The following RUVBL1 variants were observed in gnomAD, a reference collection of about 807,000 sequenced individuals.
The protein encoded by RUVBL1 is ruvB-like 1.
Under a neutral mutation model 52.4 loss-of-function variants are expected in RUVBL1, and 4 were observed. That is an observed-to-expected ratio of 0.08 (90% confidence interval 0.04 to 0.17). The LOEUF (loss-of-function observed/expected upper bound fraction) is 0.17. RUVBL1 is among the 10% of genes least tolerant of loss of function. The pLI is 1.00. For synonymous variants in RUVBL1, 217 were observed against 214.4 expected, an observed-to-expected ratio of 1.01 and a Z score of -0.10; for missense variants, 298 against 572.8, an observed-to-expected ratio of 0.52 and a Z score of 4.90.
At chr3:128,125,895 A>G (rs1241040446), upstream of RUVBL1, among the ~76,000 whole-genome samples, 2 of 152,218 alleles carry the variant, frequency 1.3e-5, no homozygotes, top group Non-Finnish European at 2.9e-5. Context: ...GAGGCATTCT[A>G]TGGGACTGAC....
In RUVBL1 at chr3:128,081,144, C is replaced by T. The variant is rs764840101; in HGVS notation, c.*106G>A. 107 of 1,164,904 alleles carry T rather than the reference C, an allele frequency of 9.2e-5. 1 individual carries two copies. Among genetic ancestry groups the T allele is most frequent in the Non-Finnish European group, 1.2e-4 (97 of 811,810 alleles). 72.2% of individuals were successfully genotyped at this position (1,164,904 alleles called of 1,614,324 possible). A position where few individuals can be genotyped will look rare whatever the true frequency, so the allele number is the denominator to read the frequency against. Reference sequence around the variant, plus strand: ...ACTGAACTGACAGCGCTGCAGACCACGCCTGAGTGGGGACGGCAGCCCCAA... The same window carrying T: ...ACTGAACTGACAGCGCTGCAGACCATGCCTGAGTGGGGACGGCAGCCCCAA... On this transcript the variant is annotated 3_prime_UTR_variant, in exon 11 of 11. Coordinates refer to ENST00000322623, the MANE Select transcript of RUVBL1 (RefSeq NM_003707.3). This position sits in a 1 kb window ranked among gnomAD's most constrained non-coding sequence, Gnocchi z 4.8.
chr3:128,153,175 T>C (rs906471370), intron 1 of RUVBL1: 2 of 1,225,694 alleles, frequency 1.6e-6, no homozygotes, highest in Non-Finnish European at 2.0e-6. Context: ...TTGATAGCTA[T>C]AGAAAAGTTC....
intron 1 of RUVBL1, among the ~76,000 whole-genome samples, chr3:128,122,161 C>A (rs1166859886): frequency 6.6e-6 from 1 of 152,188 alleles, no homozygotes; most frequent in East Asian, 1.9e-4. Context: ...GATGAGTAAC[C>A]TTGGACCTAC....
At chr3:128,107,611 G>T (rs114982203) in intron 3 of RUVBL1, among the ~76,000 whole-genome samples, 2,164 of 152,274 alleles carry the variant, frequency 0.014, 50 homozygotes, top group African/African-American at 0.048. Flanking sequence ...TAAAGTTAAG[G>T]AAAAGTTTTA....
intron 1 of RUVBL1, among the ~76,000 whole-genome samples, chr3:128,147,070 C>A (rs936179244): frequency 6.6e-6 from 1 of 152,152 alleles, no homozygotes; most frequent in Non-Finnish European, 1.5e-5. Flanking sequence ...ATTGGAAAGG[C>A]CAACATTATA....
At chr3:128,103,740 G>A (rs958117349) in intron 4 of RUVBL1, among the ~76,000 whole-genome samples, 1 of 152,148 alleles carries the variant, frequency 6.6e-6, no homozygotes, top group African/African-American at 2.4e-5. Context: ...ACCTCTTTAT[G>A]AGCCTTCATC....
chr3:128,126,362 A>T (rs145219830), upstream of RUVBL1, among the ~76,000 whole-genome samples: 1,015 of 152,232 alleles, frequency 6.7e-3, 8 homozygotes, highest in African/African-American at 0.023. Context: ...CCCGGCCAAT[A>T]TGGCAAAACC....
At chr3:128,102,897 A>G (rs1340089163) in intron 4 of RUVBL1, among the ~76,000 whole-genome samples, 1 of 152,218 alleles carries the variant, frequency 6.6e-6, no homozygotes, top group Non-Finnish European at 1.5e-5. Flanking sequence ...GCCTCTCCTT[A>G]GCTGGGTGGG....
intron 1 of RUVBL1, among the ~76,000 whole-genome samples, chr3:128,139,873 A>G (rs558047835): frequency 3.9e-5 from 6 of 152,168 alleles, no homozygotes; most frequent in Non-Finnish European, 7.4e-5. Flanking sequence ...TAATGGTTAC[A>G]AGAGGCTGGG....
intron 9 of RUVBL1, chr3:128,071,816 C>T (rs1942176520): frequency 6.6e-6 from 1 of 152,432 alleles, no homozygotes; most frequent in Non-Finnish European, 1.5e-5. Context: ...GGAAAAGTTC[C>T]CTTCTGATGG....
intron 1 of RUVBL1, among the ~76,000 whole-genome samples, chr3:128,136,182 C>A (rs1943944637): frequency 1.4e-5 from 2 of 142,686 alleles, no homozygotes; most frequent in East Asian, 2.0e-4. Flanking sequence ...AAAAGGAAAA[C>A]AGGAAGGAAG....
intron 3 of RUVBL1, among the ~76,000 whole-genome samples, chr3:128,105,887 T>G (rs1453344064): frequency 9.1e-6 from 1 of 110,378 alleles, no homozygotes; most frequent in East Asian, 3.1e-4. Context: ...TTTTTTTTTT[T>G]GAGATAGAAT....
intron 3 of RUVBL1, 123 bp downstream of exon 3, chr3:128,112,765 G>T: frequency 2.7e-6 from 3 of 1,126,680 alleles, no homozygotes; most frequent in Non-Finnish European, 2.5e-6. Context: ...ACTACTAAGT[G>T]CCAAAAGAAA....
chr3:128,100,846 C>A, intron 5 of RUVBL1, 102 bp from the exon 6 acceptor site: 2 of 1,339,108 alleles, frequency 1.5e-6, no homozygotes, highest in Non-Finnish European at 2.1e-6. Flanking sequence ...CCACTGCAGG[C>A]CTGACAGCCT....
At chr3:128,110,839 T>C (rs534694431) in intron 3 of RUVBL1, among the ~76,000 whole-genome samples, 13 of 152,252 alleles carry the variant, frequency 8.5e-5, no homozygotes, top group Admixed American at 2.6e-4. Context: ...TTATAAAAAA[T>C]ACTTCATAAA....
At chr3:128,065,408 C>T (rs1007500281) in intron 9 of RUVBL1, among the ~76,000 whole-genome samples, 1 of 152,214 alleles carries the variant, frequency 6.6e-6, no homozygotes, top group African/African-American at 2.4e-5. Flanking sequence ...GTAACTTCTG[C>T]ATCTCGGAAA....
intron 1 of RUVBL1, among the ~76,000 whole-genome samples, chr3:128,150,518 A>C (rs1444593550): frequency 1.4e-5 from 2 of 146,796 alleles, no homozygotes; most frequent in South Asian, 2.1e-4. Flanking sequence ...ATTGTATGGA[A>C]TATACATCCA....
rs375080211 is a variant in RUVBL1 at position 128,101,607 on chromosome 3, T to C, written c.555A>G (p.Val185=). 111 of 1,613,964 alleles carry C rather than the reference T, an allele frequency of 6.9e-5. No homozygotes were observed. Among genetic ancestry groups the C allele is most frequent in the Non-Finnish European group, 9.0e-5 (106 of 1,180,034 alleles). Residue 185 remains valine (V), a synonymous_variant, in exon 5 of 11, where the codon GTA becomes GTG. Transcript: ENST00000322623. ...CAATGTAAATCACATCTCCAGCTTC[T>C]ACTCGCTCTTTCTGCAAACTTTCAA... The part of the protein sequence containing the change: ...SIFESLQKER[V]EAGDVIYIEA...
rs1942489489 is a variant in RUVBL1 at position 128,082,001 on chromosome 3, G to A, written c.1211+482C>T. ...CCGGTCCTGTGTTTGAGCCGCTGGA[G>A]AACAATTAGGAGAACTGTCTATGTC... is the stretch of plus-strand genomic sequence containing the variant. On this transcript the variant is annotated intron_variant, in intron 10 of 10. Transcript: ENST00000322623. This position sits in a 1 kb window ranked among gnomAD's most constrained non-coding sequence, Gnocchi z 4.7. The A allele has an allele frequency of 6.1e-6, 1 of 164,580 alleles. No homozygotes were observed. The highest frequency in any genetic ancestry group is 2.4e-5 in the African/African-American group (1 of 41,546). The allele number at this position is 164,580 out of a possible 1,614,324, so 10.2% of individuals were successfully genotyped here.
Sources: gnomAD v4.1 joint callset for allele counts (sites outside exome capture counted in the v4.1 genomes callset) on GRCh38, gnomAD v4.1.1 for gene constraint, Gnocchi (gnomAD v3.1) non-coding constraint, MANE v1.5 for transcripts, NCBI Gene and HGNC (gene_info 2026-07-23, HGNC 2026-07-21) for gene names.